The following ZNF354C variants were observed in gnomAD, a reference collection of about 807,000 sequenced individuals.
ZNF354C encodes KRAB-zinc finger protein synten.
ZNF354C carries 7 observed loss-of-function variants against 12.4 expected under a neutral mutation model. The ratio of observed to expected loss-of-function variants is 0.56; its 90% CI spans 0.32 to 1.06. The LOEUF (loss-of-function observed/expected upper bound fraction) is 1.06, where lower values mean the gene tolerates loss of function less well. ZNF354C is among the 50% of genes least tolerant of loss of function. The probability of loss-of-function intolerance (pLI) is 0.04; values close to 1 mark genes in which losing one functional copy is unlikely to be tolerated. For missense variants in ZNF354C, 609 were observed against 658.0 expected (o/e 0.93, Z 0.81); for synonymous variants, 202 against 224.5 (o/e 0.90, Z 0.90).
Position 179,078,983 on chromosome 5 carries a change from A to AAAGG in ZNF354C, c.553_556dup (p.Ile186LysfsTer14). The AAAGG allele has an allele frequency of 6.2e-6, 10 of 1,613,786 alleles. No individual in the cohort carries two copies. The highest frequency in any genetic ancestry group is 8.5e-6 in the Non-Finnish European group (10 of 1,179,948). On this transcript the variant is annotated frameshift_variant, in exon 5 of 5. Transcript: ENST00000315475. LOFTEE classifies it low-confidence loss of function (END_TRUNC). ...GTCACACAACAGAGTGTTCCTATAG[A>AAAGG]AAGGATACCCAATATGTATTATACA...
intron 2 of ZNF354C, among the ~76,000 whole-genome samples, chr5:179,069,828 T>A (rs535587148): frequency 1.3e-5 from 2 of 152,256 alleles, no homozygotes; most frequent in South Asian, 2.1e-4. Flanking sequence ...ATTGCGCCCC[T>A]GCACTCCAGC....
At position 179,077,085 on chromosome 5, in the gene ZNF354C, A is replaced by G. The variant is rs989194618; in HGVS notation, c.169A>G (p.Met57Val). ...SLVSLGIPFS[M>V]PKLIHQLQQG... is the part of the protein sequence containing the mutation. ...CTCATGAGCAGGGATTCCATTTTCA[A>G]TGCCAAAGTTGATTCATCAGTTGCA... Residue 57 changes from methionine to valine, a missense_variant, in exon 4 of 5, where the codon ATG becomes GTG. Met to Val is a conservative substitution (Grantham distance 21). Transcript: ENST00000315475. 4 of 1,614,180 alleles carry G rather than the reference A, an allele frequency of 2.5e-6. No homozygotes were observed. In the African/African-American group the frequency reaches 4.0e-5, roughly 16 times the overall value.
At chr5:179,067,517 A>G (rs1761974128) in intron 2 of ZNF354C, among the ~76,000 whole-genome samples, 1 of 152,236 alleles carries the variant, frequency 6.6e-6, no homozygotes, top group African/African-American at 2.4e-5. Flanking sequence ...GTAAGATGAG[A>G]GAGAAATTGA....
chr5:179,063,919 C>A (rs530015887), intron 2 of ZNF354C, among the ~76,000 whole-genome samples: 1 of 152,230 alleles, frequency 6.6e-6, no homozygotes, highest in Non-Finnish European at 1.5e-5. Context: ...ATTTTAGGAC[C>A]TGCCAGATTT....
Position 179,082,854 on chromosome 5 carries a change from C to A in ZNF354C, c.*2757C>A. 8.2e-7 allele frequency: 1 copy of A among 1,219,876 alleles called. No individual in the cohort carries two copies. Among genetic ancestry groups the A allele is most frequent in the Non-Finnish European group, 1.2e-6 (1 of 822,324 alleles). 75.6% of individuals were successfully genotyped at this position (1,219,876 alleles called of 1,614,324 possible). A position where few individuals can be genotyped will look rare whatever the true frequency, so the allele number is the denominator to read the frequency against. ...AGCTGCAACAGCCTTGGGGCCCTCA[C>A]AGACTCGCCAAACATTCCAGGCACT... is the stretch of plus-strand genomic sequence containing the variant. On this transcript the variant is annotated 3_prime_UTR_variant, in exon 5 of 5. Transcript: ENST00000315475.
At chr5:179,069,603 C>T (rs1762015415) in intron 2 of ZNF354C, among the ~76,000 whole-genome samples, 2 of 147,716 alleles carry the variant, frequency 1.4e-5, no homozygotes, top group African/African-American at 5.0e-5. Flanking sequence ...CGGTGGCTCA[C>T]GCCTGTAATC....
chr5:179,082,732 C>G lies in ZNF354C; in HGVS notation c.*2635C>G. On this transcript the variant is annotated 3_prime_UTR_variant, in exon 5 of 5. Transcript: ENST00000315475. The stretch of plus-strand genomic sequence containing the variant: ...TCTGCACCAAACCCCATTGAGTTAT[C>G]TGGTCCCCTTGGCTGACGAAGAGCC... The G allele has an allele frequency of 6.5e-7, 1 of 1,533,528 alleles. No individual in the cohort carries two copies. The highest frequency in any genetic ancestry group is 9.0e-7 in the Non-Finnish European group (1 of 1,108,826). 95.0% of individuals were successfully genotyped at this position (1,533,528 alleles called of 1,614,324 possible).
intron 2 of ZNF354C, among the ~76,000 whole-genome samples, chr5:179,073,830 T>C (rs1295849409): frequency 6.6e-6 from 1 of 151,570 alleles, no homozygotes; most frequent in Admixed American, 6.6e-5. Context: ...TAATTTTTTG[T>C]ATTTTTAGTA....
At chr5:179,064,592 T>C (rs966002001) in intron 2 of ZNF354C, among the ~76,000 whole-genome samples, 2 of 151,732 alleles carry the variant, frequency 1.3e-5, no homozygotes, top group African/African-American at 4.8e-5. Context: ...ATTTTTTTTT[T>C]TTTTGTAGAG....
In ZNF354C at chr5:179,076,504, G is replaced by A. The variant is rs767795832; in HGVS notation, c.87G>A (p.Leu29=). The A allele has an allele frequency of 6.2e-7, 1 of 1,614,200 alleles. No individual in the cohort carries two copies. The highest frequency in any genetic ancestry group is 1.7e-5 in the Admixed American group (1 of 60,028). Residue 29 remains leucine (L), a synonymous_variant, in exon 3 of 5, where the codon CTG becomes CTA. Transcript: ENST00000315475. ...TCAGCCAGGACGAGTGGTTGCACCT[G>A]GACTCTGCCCAGAGGGCCTTGTACC... ...VFFSQDEWLH[L]DSAQRALYRE... is the part of the protein sequence containing the mutation.
intron 2 of ZNF354C, among the ~76,000 whole-genome samples, chr5:179,063,843 G>A (rs980615782): frequency 2.6e-5 from 4 of 152,312 alleles, no homozygotes; most frequent in African/African-American, 9.6e-5. Context: ...TGCATGGCAC[G>A]TATTAAGACC....
intron 2 of ZNF354C, among the ~76,000 whole-genome samples, chr5:179,071,100 C>T (rs1581118017): frequency 6.6e-6 from 1 of 151,986 alleles, no homozygotes. Flanking sequence ...ATCTGCCTGC[C>T]TCAGCCTCCC....
At position 179,081,523 on chromosome 5, in the gene ZNF354C, A is replaced by G. The variant is rs1040403986; in HGVS notation, c.*1426A>G. 2.0e-5 allele frequency: 3 copies of G among 152,162 alleles called. No homozygotes were observed. Among genetic ancestry groups the G allele is most frequent in the Non-Finnish European group, 4.4e-5 (3 of 68,028 alleles). The allele number at this position is 152,162 out of a possible 1,614,324, so 9.4% of individuals were successfully genotyped here. On this transcript the variant is annotated 3_prime_UTR_variant, in exon 5 of 5. Transcript: ENST00000315475. ...CTAATACAATTAGCTAGACCTTCTG[A>G]GAAAAATGTTAGAATTAAACTCAAG... is the stretch of plus-strand genomic sequence containing the variant.
intron 2 of ZNF354C, among the ~76,000 whole-genome samples, chr5:179,072,577 T>A (rs1762065237): frequency 6.6e-6 from 1 of 152,168 alleles, no homozygotes; most frequent in East Asian, 1.9e-4. Flanking sequence ...TAACATTTGA[T>A]GAATCTCAAG....
Position 179,081,191 on chromosome 5 carries a change from C to T in ZNF354C, c.*1094C>T, listed in dbSNP as rs1239800405. ...CTCTCACCTTAATCTTAATAATTGA[C>T]TCACAACTATATTCTTTTTTCTTAT... On this transcript the variant is annotated 3_prime_UTR_variant, in exon 5 of 5. Coordinates refer to ENST00000315475, the MANE Select transcript of ZNF354C (RefSeq NM_014594.3). 1 of 152,092 alleles carries T rather than the reference C, an allele frequency of 6.6e-6. No individual in the cohort carries two copies. Among genetic ancestry groups the T allele is most frequent in the Non-Finnish European group, 1.5e-5 (1 of 68,020 alleles). The allele number at this position is 152,092 out of a possible 1,614,324, so 9.4% of individuals were successfully genotyped here.
rs115662455 is a variant in ZNF354C, at chr5:179,080,851, G to T, written c.*754G>T. On this transcript the variant is annotated 3_prime_UTR_variant, in exon 5 of 5. Coordinates refer to ENST00000315475, the MANE Select transcript of ZNF354C (RefSeq NM_014594.3). ...CGTAGAAGGCGGATTAACTGAAGCAGCTGGAAAGACTGTCAAGCACATACT... is the reference window on the plus strand; with the variant it reads ...CGTAGAAGGCGGATTAACTGAAGCATCTGGAAAGACTGTCAAGCACATACT... 3 of 152,184 alleles carry T rather than the reference G, an allele frequency of 2.0e-5. No homozygotes were observed. Among genetic ancestry groups the T allele is most frequent in the Non-Finnish European group, 4.4e-5 (3 of 68,046 alleles). The allele number at this position is 152,184 out of a possible 1,614,324, so 9.4% of individuals were successfully genotyped here.
chr5:179,080,173 T>G lies in ZNF354C; in HGVS notation c.*76T>G, dbSNP rs1762207290. On this transcript the variant is annotated 3_prime_UTR_variant, in exon 5 of 5. Coordinates refer to ENST00000315475, the MANE Select transcript of ZNF354C (RefSeq NM_014594.3). ...AAATAGGGTACAAACTCCTAATAGA[T>G]TTGTCTTTTTTACTTCTCCTGAAGG... 2.6e-6 allele frequency: 3 copies of G among 1,134,228 alleles called. No individual in the cohort carries two copies. The highest frequency in any genetic ancestry group is 2.7e-5 in the Admixed American group (1 of 37,492). The allele number at this position is 1,134,228 out of a possible 1,614,324, so 70.3% of individuals were successfully genotyped here. A position where few individuals can be genotyped will look rare whatever the true frequency, so the allele number is the denominator to read the frequency against.
rs920530987 is a variant in ZNF354C at position 179,082,995 on chromosome 5, A to G, written c.*2898A>G. The G allele has an allele frequency of 9.1e-6, 7 of 769,438 alleles. No homozygotes were observed. The highest frequency in any genetic ancestry group is 4.9e-5 in the East Asian group (2 of 41,122). The allele number at this position is 769,438 out of a possible 1,614,324, so 47.7% of individuals were successfully genotyped here. On this transcript the variant is annotated 3_prime_UTR_variant, in exon 5 of 5. Transcript: ENST00000315475. The stretch of plus-strand genomic sequence containing the variant: ...GAAAAAGAGCTTCTTGCTATCCCCT[A>G]CTTCATAGTTAATGAAGCCAAACTG...
At position 179,060,976 on chromosome 5, in the gene ZNF354C, C is replaced by T. The variant is rs1581113450; in HGVS notation, c.-55+310C>T. On this transcript the variant is annotated intron_variant, in intron 1 of 4. Coordinates refer to ENST00000315475, the MANE Select transcript of ZNF354C (RefSeq NM_014594.3). The surrounding 1 kb of genome is among the most constrained non-coding windows in gnomAD (Gnocchi z 4.2). ...GGGGCTAGGATCAGGATTGCCTTCC[C>T]GGCCCTTATGACTTTGGGCAGGTCA... 6.6e-6 allele frequency among the ~76,000 whole-genome samples: 1 copy of T among 152,228 alleles called. No homozygotes were observed. Among genetic ancestry groups the T allele is most frequent in the Non-Finnish European group, 1.5e-5 (1 of 68,042 alleles).
Sources: allele counts gnomAD v4.1 joint callset (sites outside exome capture counted in the v4.1 genomes callset), GRCh38; gene constraint gnomAD v4.1.1; non-coding constraint Gnocchi (gnomAD v3.1); transcripts MANE v1.5; gene names NCBI Gene and HGNC (gene_info 2026-07-23, HGNC 2026-07-21).